YIPF4: variants seen among roughly 807,000 people sequenced by gnomAD.
YIPF4 encodes the protein protein YIPF4.
A neutral mutation model predicts 29.4 loss-of-function variants in YIPF4; 18 were observed. The observed-to-expected ratio is 0.61, with a 90% CI of 0.42 to 0.91. The LOEUF is 0.91. Ranked by LOEUF, YIPF4 falls within the 40% of genes least tolerant of loss-of-function variation. The pLI, the probability that YIPF4 is intolerant of heterozygous loss-of-function variation, is 0.00. For missense variants in YIPF4, 279 were observed against 282.7 expected (o/e 0.99, Z 0.09); for synonymous variants, 115 against 104.7 (o/e 1.10, Z -0.60).
At chr2:32,305,198 TAA>T (rs1449600025) in intron 5 of YIPF4, among the ~76,000 whole-genome samples, 1 of 152,060 alleles carries the variant, frequency 6.6e-6, no homozygotes, top group East Asian at 1.9e-4. Flanking sequence ...AAAGAAACAA[TAA>T]GTTATAATTT....
chr2:32,295,914 C>G (rs1348169059), intron 3 of YIPF4, among the ~76,000 whole-genome samples: 3 of 152,240 alleles, frequency 2.0e-5, no homozygotes, highest in African/African-American at 7.2e-5. Flanking sequence ...CAGTTTTCAT[C>G]TTTTAAGGAC....
At chr2:32,297,579 G>A (rs539998974) in intron 3 of YIPF4, among the ~76,000 whole-genome samples, 2 of 152,176 alleles carry the variant, frequency 1.3e-5, no homozygotes, top group South Asian at 4.2e-4. Context: ...ACCAGCCTGG[G>A]CAACATAGTG....
At chr2:32,282,646 C>G (rs1205513043) in intron 1 of YIPF4, among the ~76,000 whole-genome samples, 1 of 152,096 alleles carries the variant, frequency 6.6e-6, no homozygotes, top group Non-Finnish European at 1.5e-5. Flanking sequence ...ATTGGCCAAG[C>G]TGTTCTCGAA....
At chr2:32,294,427 C>A (rs544347184) in intron 3 of YIPF4, among the ~76,000 whole-genome samples, 1 of 150,982 alleles carries the variant, frequency 6.6e-6, no homozygotes, top group African/African-American at 2.4e-5. Flanking sequence ...ACATCCCAGA[C>A]GGGGCGGCGG....
chr2:32,302,231 G>A (rs1302314876), intron 5 of YIPF4, among the ~76,000 whole-genome samples: 2 of 150,994 alleles, frequency 1.3e-5, no homozygotes, highest in East Asian at 1.9e-4. Context: ...GGGTTTCACC[G>A]TATTGTCCAG....
intron 1 of YIPF4, 72 bp from the exon 2 acceptor site, chr2:32,290,411 T>C (rs974664684): frequency 8.7e-7 from 1 of 1,143,972 alleles, no homozygotes; most frequent in Middle Eastern, 2.2e-4. Context: ...TTTAGTTGAA[T>C]ATCTGCTCAC....
At chr2:32,282,321 T>C (rs538782195) in intron 1 of YIPF4, among the ~76,000 whole-genome samples, 1 of 152,224 alleles carries the variant, frequency 6.6e-6, no homozygotes, top group Non-Finnish European at 1.5e-5. Flanking sequence ...TTCTACTGTC[T>C]CTTTCTTACA....
intron 3 of YIPF4, among the ~76,000 whole-genome samples, chr2:32,295,955 T>C (rs1375866410): frequency 6.6e-6 from 1 of 152,176 alleles, no homozygotes; most frequent in Non-Finnish European, 1.5e-5. Flanking sequence ...CCCAGCAAGG[T>C]AATCCAGAAT....
At chr2:32,286,002 A>T (rs1302723684) in intron 1 of YIPF4, among the ~76,000 whole-genome samples, 1 of 152,144 alleles carries the variant, frequency 6.6e-6, no homozygotes, top group African/African-American at 2.4e-5. Context: ...AATAACTTTT[A>T]TTTCCTTTTT....
intron 1 of YIPF4, 145 bp from the exon 2 acceptor site, chr2:32,290,338 C>T (rs2030856412): frequency 2.2e-6 from 1 of 460,982 alleles, no homozygotes; most frequent in African/African-American, 2.0e-5. Context: ...TGTCTGTCAA[C>T]TATAAAATTT....
intron 4 of YIPF4, among the ~76,000 whole-genome samples, chr2:32,298,886 A>AT (rs1264301398): frequency 3.3e-5 from 5 of 149,324 alleles, no homozygotes; most frequent in East Asian, 2.0e-4. Flanking sequence ...TATTATTATT[A>AT]TTTTTTTTTG....
chr2:32,278,065 G>C lies in YIPF4; in HGVS notation c.-91G>C. ...GTCGAGACTCGTAGGCCGCACCGTA[G>C]GGCGAGCGTGCGGGTCGCCGCCGCG... is the stretch of plus-strand genomic sequence containing the variant. On this transcript the variant is annotated 5_prime_UTR_variant, in exon 1 of 6. Transcript: ENST00000238831. The C allele has an allele frequency of 1.7e-6, 2 of 1,157,512 alleles. No individual in the cohort carries two copies. The highest frequency in any genetic ancestry group is 2.4e-6 in the Non-Finnish European group (2 of 828,830). The allele number at this position is 1,157,512 out of a possible 1,614,324, so 71.7% of individuals were successfully genotyped here. A position where few individuals can be genotyped will look rare whatever the true frequency, so the allele number is the denominator to read the frequency against.
At chr2:32,285,077 T>C (rs2030608132) in intron 1 of YIPF4, among the ~76,000 whole-genome samples, 1 of 152,166 alleles carries the variant, frequency 6.6e-6, no homozygotes, top group African/African-American at 2.4e-5. Context: ...ACCATTATAA[T>C]CATGCAGACA....
At chr2:32,299,627 A>G (rs1461553022) in intron 4 of YIPF4, among the ~76,000 whole-genome samples, 2 of 150,418 alleles carry the variant, frequency 1.3e-5, no homozygotes, top group South Asian at 4.2e-4. Context: ...TTCCAATACC[A>G]GCCTGGGCAA....
chr2:32,292,479 AT>A, intron 3 of YIPF4, 131 bp downstream of exon 3: 1 of 732,190 alleles, frequency 1.4e-6, no homozygotes, highest in Non-Finnish European at 1.9e-6. Context: ...TCACTTGTTC[AT>A]CCCTAAAACC....
In YIPF4 at chr2:32,283,221, T is replaced by A. The variant is rs114844511; in HGVS notation, c.79+4987T>A. The stretch of plus-strand genomic sequence containing the variant: ...GTTTCAGTGTTAACTGACCCCACAC[T>A]TTTTTTTTATTGTTTTCCAACATGA... On this transcript the variant is annotated intron_variant, in intron 1 of 5. Transcript: ENST00000238831. 5.4e-3 allele frequency among the ~76,000 whole-genome samples: 820 copies of A among 151,528 alleles called. 10 individuals are homozygous for A. The highest frequency in any genetic ancestry group is 0.019 in the African/African-American group (773 of 41,336).
At chr2:32,279,028 C>G (rs1295980651) in intron 1 of YIPF4, among the ~76,000 whole-genome samples, 3 of 148,146 alleles carry the variant, frequency 2.0e-5, no homozygotes, top group African/African-American at 7.5e-5. Context: ...AGTGCAGTGG[C>G]GCGATCTCGG....
chr2:32,290,413 T>TCTGCTCAC (rs936511895), intron 1 of YIPF4, 70 bp from the exon 2 acceptor site: 20 of 1,161,910 alleles, frequency 1.7e-5, no homozygotes, highest in Non-Finnish European at 2.3e-5. Context: ...TAGTTGAATA[T>TCTGCTCAC]CTGCTCACTT....
At chr2:32,281,428 G>A (rs573961564) in intron 1 of YIPF4, among the ~76,000 whole-genome samples, 1 of 152,130 alleles carries the variant, frequency 6.6e-6, no homozygotes, top group South Asian at 2.1e-4. Context: ...TTTTTGTAGA[G>A]ACAGGGTTTC....
Sources: gnomAD v4.1 joint callset for allele counts (sites outside exome capture counted in the v4.1 genomes callset) on GRCh38, gnomAD v4.1.1 for gene constraint, MANE v1.5 for transcripts, NCBI Gene and HGNC (gene_info 2026-07-23, HGNC 2026-07-21) for gene names.